Variants in ERBB4 observed in about 807,000 individuals in gnomAD.
ERBB4 encodes the protein erb-b2 receptor tyrosine kinase 4.
Under a neutral mutation model 158.0 loss-of-function variants are expected in ERBB4, and 42 were observed. That is an observed-to-expected ratio of 0.27 (90% CI 0.21 to 0.34). The LOEUF (loss-of-function observed/expected upper bound fraction) is 0.34. Ranked by LOEUF, ERBB4 falls within the 10% of genes least tolerant of loss-of-function variation. The pLI is 1.00. For synonymous variants in ERBB4, 583 were observed against 558.7 expected (o/e 1.04, Z -0.61); for missense variants, 1,333 against 1,624.1 (o/e 0.82, Z 3.08).
chr2:211,862,356 AAG>A (rs1409835301), intron 3 of ERBB4, among the ~76,000 whole-genome samples: 1 of 152,222 alleles, frequency 6.6e-6, no homozygotes, highest in African/African-American at 2.4e-5. Flanking sequence ...AGCAGAAAAT[AAG>A]AGTTTTTACA....
intron 1 of ERBB4, among the ~76,000 whole-genome samples, chr2:212,242,907 T>G (rs1193148985): frequency 7.9e-5 from 12 of 152,252 alleles, no homozygotes; most frequent in African/African-American, 2.2e-4. Flanking sequence ...GAAAGAAATA[T>G]TTTGACAGGG....
chr2:211,415,458 TATC>T (rs2063369525), intron 25 of ERBB4, among the ~76,000 whole-genome samples: 1 of 152,276 alleles, frequency 6.6e-6, no homozygotes, highest in African/African-American at 2.4e-5. Context: ...GTGTCTGCAT[TATC>T]ATTTTGCTCA....
chr2:212,176,656 T>C (rs558047290), intron 1 of ERBB4, among the ~76,000 whole-genome samples: 1 of 152,122 alleles, frequency 6.6e-6, no homozygotes, highest in African/African-American at 2.4e-5. Flanking sequence ...CATCCTTCTG[T>C]TTTTACCTTA....
At chr2:212,316,836 A>C (rs935343608) in intron 1 of ERBB4, among the ~76,000 whole-genome samples, 24 of 151,522 alleles carry the variant, frequency 1.6e-4, no homozygotes, top group African/African-American at 4.6e-4. Context: ...GTATGATATG[A>C]GAATTATGTC....
intron 25 of ERBB4, among the ~76,000 whole-genome samples, chr2:211,411,728 C>CTGTT (rs2063266760): frequency 2.0e-5 from 3 of 152,196 alleles, no homozygotes; most frequent in Admixed American, 6.5e-5. Context: ...AATCCTTCAA[C>CTGTT]TGTTAGTGAC....
intron 1 of ERBB4, among the ~76,000 whole-genome samples, chr2:212,397,065 A>G (rs537439194): frequency 2.0e-4 from 30 of 152,292 alleles, no homozygotes; most frequent in African/African-American, 6.5e-4. Context: ...AGATATTTTA[A>G]ATAATCTTTA....
At chr2:211,698,253 C>T (rs1033086240) in intron 12 of ERBB4, among the ~76,000 whole-genome samples, 3 of 144,556 alleles carry the variant, frequency 2.1e-5, no homozygotes, top group Non-Finnish European at 3.0e-5. Context: ...CAGAGGTTGT[C>T]GTGGGCCAAG....
intron 1 of ERBB4, among the ~76,000 whole-genome samples, chr2:212,513,484 A>C (rs1691641801): frequency 6.6e-6 from 1 of 152,182 alleles, no homozygotes; most frequent in Non-Finnish European, 1.5e-5. Context: ...TATCTTCCCC[A>C]TTTTAAATAT....
At chr2:212,395,707 C>G (rs1169021224) in intron 1 of ERBB4, among the ~76,000 whole-genome samples, 2 of 149,954 alleles carry the variant, frequency 1.3e-5, no homozygotes, top group Non-Finnish European at 3.0e-5. Context: ...GCAACCTCTG[C>G]CTCCCAGGTT....
At chr2:211,969,586 C>G (rs768082725) in intron 2 of ERBB4, among the ~76,000 whole-genome samples, 1 of 151,900 alleles carries the variant, frequency 6.6e-6, no homozygotes, top group Non-Finnish European at 1.5e-5. Flanking sequence ...CAGTTCTTAC[C>G]CTATTACCCA....
intron 1 of ERBB4, among the ~76,000 whole-genome samples, chr2:212,397,035 A>G (rs192036372): frequency 3.7e-4 from 57 of 152,326 alleles, no homozygotes; most frequent in African/African-American, 1.4e-3. Context: ...TATTTATGTA[A>G]CCATTTAATC....
chr2:212,014,964 G>A (rs1443197035), intron 2 of ERBB4, among the ~76,000 whole-genome samples: 1 of 147,192 alleles, frequency 6.8e-6, no homozygotes, highest in Admixed American at 6.9e-5. Context: ...AGGCGAAGGC[G>A]GATGGATCAC....
intron 20 of ERBB4, among the ~76,000 whole-genome samples, chr2:211,548,977 C>A (rs564411947): frequency 1.4e-4 from 22 of 152,050 alleles, no homozygotes; most frequent in Non-Finnish European, 2.6e-4. Flanking sequence ...TTCACCAGTT[C>A]CACAAAAGAA....
intron 3 of ERBB4, among the ~76,000 whole-genome samples, chr2:211,882,671 A>G (rs564273505): frequency 2.4e-4 from 36 of 152,328 alleles, no homozygotes; most frequent in Non-Finnish European, 4.3e-4. Context: ...CTAAAAATGT[A>G]TCATTATTAA....
intron 1 of ERBB4, among the ~76,000 whole-genome samples, chr2:212,431,393 C>A (rs1227807575): frequency 6.7e-6 from 1 of 149,500 alleles, no homozygotes; most frequent in African/African-American, 2.5e-5. Context: ...TCAGTAATTC[C>A]TGCAGGCTCC....
At chr2:211,843,518 G>T (rs2077521979) in intron 3 of ERBB4, among the ~76,000 whole-genome samples, 1 of 151,938 alleles carries the variant, frequency 6.6e-6, no homozygotes, top group South Asian at 2.1e-4. Flanking sequence ...TATTTTAAAA[G>T]TCCTCTTGCC....
chr2:211,719,694 A>C (rs950935629), intron 7 of ERBB4, among the ~76,000 whole-genome samples: 1 of 151,886 alleles, frequency 6.6e-6, no homozygotes, highest in Non-Finnish European at 1.5e-5. Flanking sequence ...TCTCTACTAA[A>C]AATCCAAAAA....
At chr2:212,464,892 TCACACACACA>T (rs148243973) in intron 1 of ERBB4, among the ~76,000 whole-genome samples, 15 of 146,140 alleles carry the variant, frequency 1.0e-4, no homozygotes, top group East Asian at 4.1e-4. Context: ...AAGGGAAACA[TCACACACACA>T]CACACACACA....
At chr2:212,101,354 T>TATATATATATAC (rs200740577) in intron 2 of ERBB4, among the ~76,000 whole-genome samples, 69 of 149,038 alleles carry the variant, frequency 4.6e-4, no homozygotes, top group African/African-American at 1.7e-3. Flanking sequence ...CCTATACATA[T>TATATATATATAC]ATATATATAT....
Sources: gnomAD v4.1 joint callset for allele counts (sites outside exome capture counted in the v4.1 genomes callset) on GRCh38, gnomAD v4.1.1 for gene constraint, MANE v1.5 for transcripts, NCBI Gene and HGNC (gene_info 2026-07-23, HGNC 2026-07-21) for gene names.